Variants in RBFOX1 observed in about 807,000 individuals in gnomAD.
RBFOX1 encodes RNA binding protein fox-1 homolog 1.
A neutral mutation model predicts 57.7 loss-of-function variants in RBFOX1; 8 were observed. The ratio of observed to expected loss-of-function variants is 0.14; its 90% CI spans 0.08 to 0.25. The LOEUF (loss-of-function observed/expected upper bound fraction) is 0.25. RBFOX1 is among the 10% of genes least tolerant of loss of function. The pLI, the probability that RBFOX1 is intolerant of heterozygous loss-of-function variation, is 1.00. For synonymous variants in RBFOX1, 326 were observed against 222.4 expected, an observed-to-expected ratio of 1.47 and a Z score of -4.15; for missense variants, 611 against 548.5, an observed-to-expected ratio of 1.11 and a Z score of -1.14.
At chr16:5,703,315 A>G (rs1383476898) in intron 3 of RBFOX1, among the ~76,000 whole-genome samples, 1 of 152,158 alleles carries the variant, frequency 6.6e-6, no homozygotes, top group African/African-American at 2.4e-5. Flanking sequence ...TTTTTGAAAG[A>G]TGTATAAGAA....
At chr16:6,431,937 C>CT (rs1293655887) in intron 2 of RBFOX1, among the ~76,000 whole-genome samples, 3 of 150,346 alleles carry the variant, frequency 2.0e-5, no homozygotes, top group Non-Finnish European at 4.4e-5. Context: ...TTCTTTCTTT[C>CT]TTTCTTTCTT....
chr16:5,637,269 G>A (rs1027453740), intron 3 of RBFOX1, among the ~76,000 whole-genome samples: 3 of 152,184 alleles, frequency 2.0e-5, no homozygotes, highest in Non-Finnish European at 4.4e-5. Flanking sequence ...ATCGTACAAG[G>A]TGGGAAAATG....
chr16:6,239,614 C>T (rs1356561868), intron 1 of RBFOX1, among the ~76,000 whole-genome samples: 2 of 150,002 alleles, frequency 1.3e-5, no homozygotes, highest in Admixed American at 6.7e-5. Context: ...TCTCCTGCCT[C>T]AGCCTCCTGA....
intron 4 of RBFOX1, among the ~76,000 whole-genome samples, chr16:7,087,956 A>G (rs2060241613): frequency 6.6e-6 from 1 of 152,094 alleles, no homozygotes; most frequent in Non-Finnish European, 1.5e-5. Flanking sequence ...GGGGATAAAG[A>G]TTGCAGCCCA....
chr16:7,317,462 A>C (rs983075692), intron 4 of RBFOX1, among the ~76,000 whole-genome samples: 2 of 152,084 alleles, frequency 1.3e-5, no homozygotes, highest in African/African-American at 2.4e-5. Context: ...ATCCAGTGCT[A>C]TTATCACCAC....
At chr16:7,675,408 CAA>C (rs369307640) in intron 13 of RBFOX1, among the ~76,000 whole-genome samples, 8,528 of 126,296 alleles carry the variant, frequency 0.068, 784 homozygotes, top group African/African-American at 0.22. Context: ...TTAAGGGAAA[CAA>C]AAAAAAAAAA....
chr16:6,998,682 A>C (rs1366984337), intron 3 of RBFOX1, among the ~76,000 whole-genome samples: 2 of 152,108 alleles, frequency 1.3e-5, no homozygotes, highest in Non-Finnish European at 2.9e-5. Flanking sequence ...AGACTATTCC[A>C]AGAATGAAGG....
intron 4 of RBFOX1, among the ~76,000 whole-genome samples, chr16:6,013,160 T>C (rs994952218): frequency 2.6e-5 from 4 of 152,224 alleles, no homozygotes; most frequent in Non-Finnish European, 1.5e-5. Flanking sequence ...GTAGTAGATA[T>C]GGAATATGAA....
intron 2 of RBFOX1, among the ~76,000 whole-genome samples, chr16:6,352,682 T>C (rs2086621026): frequency 6.6e-6 from 1 of 152,228 alleles, no homozygotes. Context: ...TCAAAAAGGA[T>C]ATCCTGCGTG....
At chr16:5,657,590 T>C (rs17138280) in intron 3 of RBFOX1, among the ~76,000 whole-genome samples, 8,882 of 151,542 alleles carry the variant, frequency 0.059, 686 homozygotes, top group East Asian at 0.18. Flanking sequence ...TTGAGGTCTG[T>C]AAATTCTTTC....
At chr16:5,404,108 C>T (rs9932377) in intron 1 of RBFOX1, among the ~76,000 whole-genome samples, 4,674 of 146,498 alleles carry the variant, frequency 0.032, 277 homozygotes, top group African/African-American at 0.11. Flanking sequence ...AGGGAGATGA[C>T]AAAGGAGATG....
intron 3 of RBFOX1, among the ~76,000 whole-genome samples, chr16:5,782,010 A>G (rs1295624019): frequency 6.6e-6 from 1 of 152,250 alleles, no homozygotes; most frequent in Non-Finnish European, 1.5e-5. Context: ...GTTCAAGACC[A>G]GCCTGGGCCA....
chr16:6,445,561 C>CTTTTTTTTTTTTTTTTT (rs374322471), intron 2 of RBFOX1, among the ~76,000 whole-genome samples: 1 of 114,874 alleles, frequency 8.7e-6, no homozygotes. Flanking sequence ...CTCTGAACTC[C>CTTTTTTTTTTTTTTTTT]TTTTTTTTTT....
At chr16:5,915,253 C>G (rs898117588) in intron 4 of RBFOX1, among the ~76,000 whole-genome samples, 1 of 152,196 alleles carries the variant, frequency 6.6e-6, no homozygotes, top group Non-Finnish European at 1.5e-5. Context: ...AATTTGACTT[C>G]TGTCTTTGCT....
rs562431567 is a variant in RBFOX1, at chr16:6,835,071, T to A, written c.-16+180421T>A. Among the ~76,000 whole-genome samples, 3 of 152,090 alleles carry A rather than the reference T, an allele frequency of 2.0e-5. No individual in the cohort carries two copies. In the South Asian group the frequency reaches 6.3e-4, roughly 32 times the overall value. The stretch of plus-strand genomic sequence containing the variant: ...CCATGCCCCGGCTAATTTTTTATAT[T>A]TTTTAGTAGAGACGGGTTAGCCAGG... On this transcript the variant is annotated intron_variant, in intron 3 of 15. Transcript: ENST00000550418.
intron 4 of RBFOX1, among the ~76,000 whole-genome samples, chr16:7,154,685 TTG>T (rs56742260): frequency 0.11 from 15,232 of 142,700 alleles, 677 homozygotes; most frequent in African/African-American, 0.14. Context: ...CCCTCTTCCT[TTG>T]TGTGTGTGTG....
chr16:6,373,543 C>T (rs536343230), intron 2 of RBFOX1, among the ~76,000 whole-genome samples: 8 of 149,608 alleles, frequency 5.3e-5, no homozygotes, highest in African/African-American at 2.0e-4. Flanking sequence ...TCATTGGGAT[C>T]ACAGGGTACG....
chr16:5,244,298 G>C (rs147309259), intron 1 of RBFOX1, among the ~76,000 whole-genome samples: 1 of 152,190 alleles, frequency 6.6e-6, no homozygotes, highest in Admixed American at 6.5e-5. Context: ...GCACTGGTGC[G>C]GTGCAGAGCA....
In RBFOX1 at chr16:6,908,103, TG is replaced by T. The variant is rs775790480; in HGVS notation, c.-15-143949del. On this transcript the variant is annotated intron_variant, in intron 3 of 15. Coordinates refer to ENST00000550418, the MANE Select transcript of RBFOX1 (RefSeq NM_018723.4). ...CCAATAAGGTCACATTCACAGCTAC[TG>T]GGGGTTAGGACATCCACATGTTTTG... Among the ~76,000 whole-genome samples the T allele has an allele frequency of 2.1e-4, 32 of 151,926 alleles. 2 individuals are homozygous for T. The highest frequency in any genetic ancestry group is 5.2e-4 in the Admixed American group (8 of 15,282).
Sources: allele counts gnomAD v4.1 joint callset (sites outside exome capture counted in the v4.1 genomes callset), GRCh38; gene constraint gnomAD v4.1.1; transcripts MANE v1.5; gene names NCBI Gene and HGNC (gene_info 2026-07-23, HGNC 2026-07-21).